RBM26: variants seen among roughly 807,000 people sequenced by gnomAD.
RBM26 encodes RNA-binding protein 26.
In RBM26, 30 loss-of-function variants were observed where a neutral mutation model predicts 123.6. The ratio of observed to expected loss-of-function variants is 0.24; its 90% confidence interval spans 0.18 to 0.33. The LOEUF is 0.33. Ranked by LOEUF, RBM26 falls within the 10% of genes least tolerant of loss-of-function variation. The pLI, the probability that RBM26 is intolerant of heterozygous loss-of-function variation, is 1.00. For synonymous variants in RBM26, 400 were observed against 404.4 expected, an observed-to-expected ratio of 0.99 and a Z score of 0.13; for missense variants, 947 against 1,203.6, an observed-to-expected ratio of 0.79 and a Z score of 3.15.
chr13:79,392,435 T>C (rs992985797), intron 1 of RBM26, among the ~76,000 whole-genome samples: 1 of 146,330 alleles, frequency 6.8e-6, no homozygotes, highest in African/African-American at 2.5e-5. Context: ...TTATATATTA[T>C]ATACAATAAT....
chr13:79,364,753 T>C (rs544970823), intron 9 of RBM26, among the ~76,000 whole-genome samples: 2 of 152,282 alleles, frequency 1.3e-5, no homozygotes, highest in East Asian at 1.9e-4. Context: ...ACCCAAATTG[T>C]ACCTTTTAGA....
chr13:79,387,748 T>C (rs2077611332), intron 1 of RBM26, among the ~76,000 whole-genome samples: 1 of 152,196 alleles, frequency 6.6e-6, no homozygotes, highest in Non-Finnish European at 1.5e-5. Context: ...TTTCTTTATG[T>C]CTTTCTAAAG....
chr13:79,361,139 TAA>T (rs2074631597), intron 9 of RBM26, among the ~76,000 whole-genome samples: 1 of 152,142 alleles, frequency 6.6e-6, no homozygotes, highest in African/African-American at 2.4e-5. Context: ...ATTTTCATAT[TAA>T]GTCTATCTTT....
chr13:79,352,461 C>A (rs9530899), intron 14 of RBM26, among the ~76,000 whole-genome samples: 1 of 148,828 alleles, frequency 6.7e-6, no homozygotes, highest in African/African-American at 2.5e-5. Flanking sequence ...TTACTCATAC[C>A]TAAACAAAAA....
chr13:79,326,203 A>G lies in RBM26; in HGVS notation c.2821-3741T>C, dbSNP rs1428361696. Among the ~76,000 whole-genome samples, 9 of 152,328 alleles carry G rather than the reference A, an allele frequency of 5.9e-5. No individual in the cohort carries two copies. The East Asian group carries it at 1.5e-3, about 26-fold the overall frequency. ...GTCTATTTCTGAACTGTATTGTACT[A>G]CATTATCTGCTTTGTACTGCTTTTA... On this transcript the variant is annotated intron_variant, in intron 20 of 21. Coordinates refer to ENST00000438737, the MANE Select transcript of RBM26 (RefSeq NM_001366735.2).
At chr13:79,313,579 T>C (rs906970816) in exon 5 of RBM26, 1 of 151,648 alleles carries the variant, frequency 6.6e-6, no homozygotes, top group Admixed American at 6.6e-5. Flanking sequence ...TCAACTAATT[T>C]GGGGAAATAT....
intron 20 of RBM26, among the ~76,000 whole-genome samples, chr13:79,328,536 T>A (rs2068783209): frequency 6.6e-6 from 1 of 151,052 alleles, no homozygotes; most frequent in Non-Finnish European, 1.5e-5. Flanking sequence ...ATGTTTCTTA[T>A]CTCAGATTGG....
At chr13:79,346,265 T>C (rs1364120663) in intron 14 of RBM26, among the ~76,000 whole-genome samples, 1 of 152,208 alleles carries the variant, frequency 6.6e-6, no homozygotes, top group African/African-American at 2.4e-5. Context: ...AAGAAAGTGT[T>C]AGCCTCTAAA....
chr13:79,335,620 G>A (rs1429929052), intron 19 of RBM26, among the ~76,000 whole-genome samples: 1 of 152,038 alleles, frequency 6.6e-6, no homozygotes, highest in East Asian at 1.9e-4. Flanking sequence ...CTAAACCTGT[G>A]CTCATACTTA....
chr13:79,400,265 A>G (rs2078950535), intron 1 of RBM26, among the ~76,000 whole-genome samples: 1 of 152,218 alleles, frequency 6.6e-6, no homozygotes, highest in Non-Finnish European at 1.5e-5. Context: ...GGTAATTTAT[A>G]AAGAAATTTA....
At chr13:79,367,425 A>AAAAAAAAAAAAAAAAAAAAC (rs2075397326) in intron 6 of RBM26, among the ~76,000 whole-genome samples, 1 of 119,202 alleles carries the variant, frequency 8.4e-6, no homozygotes, top group Non-Finnish European at 1.8e-5. Flanking sequence ...AAAAAAAAAA[A>AAAAAAAAAAAAAAAAAAAAC]AAAAAAAGAA....
chr13:79,390,615 T>C (rs1038847828), intron 1 of RBM26, among the ~76,000 whole-genome samples: 1 of 152,086 alleles, frequency 6.6e-6, no homozygotes, highest in Non-Finnish European at 1.5e-5. Flanking sequence ...ACTAAAGTAC[T>C]GAAGTAAAGC....
chr13:79,337,484 T>A (rs1440669471), intron 18 of RBM26, among the ~76,000 whole-genome samples, 182 bp from the exon 19 acceptor site: 1 of 152,188 alleles, frequency 6.6e-6, no homozygotes, highest in African/African-American at 2.4e-5. Flanking sequence ...AGGTGGCTAG[T>A]AAACTGAAAC....
At chr13:79,340,866 T>C (rs1355227743) in intron 18 of RBM26, among the ~76,000 whole-genome samples, 1 of 151,830 alleles carries the variant, frequency 6.6e-6, no homozygotes, top group Non-Finnish European at 1.5e-5. Flanking sequence ...TAGAAAGAAA[T>C]AAAATTCATT....
chr13:79,354,419 T>C lies in RBM26; in HGVS notation c.1986+20A>G. 6.6e-7 allele frequency: 1 copy of C among 1,519,238 alleles called. No homozygotes were observed. The highest frequency in any genetic ancestry group is 8.9e-7 in the Non-Finnish European group (1 of 1,125,418). The allele number at this position is 1,519,238 out of a possible 1,614,324, so 94.1% of individuals were successfully genotyped here. A position where few individuals can be genotyped will look rare whatever the true frequency, so the allele number is the denominator to read the frequency against. On this transcript the variant is annotated intron_variant, in intron 13 of 21. Coordinates refer to ENST00000438737, the MANE Select transcript of RBM26 (RefSeq NM_001366735.2). ...TACTGAGAACCTATTACGGGCACAA[T>C]CGTAAGACCTTTGCTTTACCTGAGG...
At chr13:79,379,715 C>G (rs1228684136) in intron 1 of RBM26, among the ~76,000 whole-genome samples, 2 of 149,222 alleles carry the variant, frequency 1.3e-5, no homozygotes, top group African/African-American at 4.9e-5. Flanking sequence ...AAAAAAAACT[C>G]AGAATGAAGA....
intron 1 of RBM26, among the ~76,000 whole-genome samples, chr13:79,405,215 A>G (rs950237468): frequency 1.3e-5 from 2 of 152,200 alleles, no homozygotes; most frequent in Non-Finnish European, 2.9e-5. Flanking sequence ...CACCTGTTAC[A>G]TCTTCAATCA....
chr13:79,360,761 CT>C (rs2074585349), intron 9 of RBM26, among the ~76,000 whole-genome samples: 1 of 152,058 alleles, frequency 6.6e-6, no homozygotes, highest in African/African-American at 2.4e-5. Context: ...CTGTAAAAGT[CT>C]GTTACTTTCA....
intron 3 of RBM26, among the ~76,000 whole-genome samples, chr13:79,373,495 G>A (rs192769218): frequency 8.2e-4 from 7 of 8,486 alleles, no homozygotes; most frequent in African/African-American, 2.9e-3. Context: ...TATATAATAT[G>A]TATAAATATA....
Sources: allele counts gnomAD v4.1 joint callset (sites outside exome capture counted in the v4.1 genomes callset), GRCh38; gene constraint gnomAD v4.1.1; transcripts MANE v1.5; gene names NCBI Gene and HGNC (gene_info 2026-07-23, HGNC 2026-07-21).